Variants in DDX60 observed in about 807,000 individuals in gnomAD.
DDX60 encodes the protein DExD/H-box helicase 60.
A neutral mutation model predicts 212.8 loss-of-function variants in DDX60; 165 were observed. That is an observed-to-expected ratio of 0.78 (90% CI 0.68 to 0.88). The LOEUF (loss-of-function observed/expected upper bound fraction) is 0.88, where lower values mean the gene tolerates loss of function less well. Among genes scored for constraint, DDX60 ranks in the 40% least tolerant of loss-of-function variants. The pLI is 0.00. For synonymous variants in DDX60, 703 were observed against 685.3 expected (o/e 1.03, Z -0.40); for missense variants, 1,905 against 2,003.9 (o/e 0.95, Z 0.94).
chr4:168,242,875 T>A (rs193101387), intron 30 of DDX60, among the ~76,000 whole-genome samples: 3 of 152,194 alleles, frequency 2.0e-5, no homozygotes, highest in South Asian at 4.2e-4. Flanking sequence ...CCCACCCAAA[T>A]CCCATCTTGA....
At chr4:168,285,521 T>G in intron 10 of DDX60, 23 bp from the exon 11 acceptor site, 1 of 1,452,842 alleles carries the variant, frequency 6.9e-7, no homozygotes, top group Non-Finnish European at 9.5e-7. Flanking sequence ...AAAAAAAAAT[T>G]GAGACAAGGT....
intron 22 of DDX60, among the ~76,000 whole-genome samples, chr4:168,263,181 C>T (rs1193454968): frequency 6.6e-6 from 1 of 152,048 alleles, no homozygotes; most frequent in East Asian, 1.9e-4. Context: ...TTATGTGTAC[C>T]AAGCCAGGCT....
intron 1 of DDX60, among the ~76,000 whole-genome samples, chr4:168,316,353 C>A (rs1349936930): frequency 6.6e-6 from 1 of 152,108 alleles, no homozygotes; most frequent in African/African-American, 2.4e-5. Flanking sequence ...TCACAAGAAT[C>A]AAAGTCACAA....
chr4:168,235,909 A>G (rs1733614837), intron 33 of DDX60: 1 of 201,844 alleles, frequency 5.0e-6, no homozygotes. Context: ...AGGATCCTAA[A>G]AGAACAGTAT....
intron 22 of DDX60, chr4:168,263,378 A>C (rs1257927590): frequency 6.6e-6 from 1 of 152,202 alleles, no homozygotes; most frequent in African/African-American, 2.4e-5. Context: ...GTGGAAATAA[A>C]AAATTCCTGT....
intron 6 of DDX60, among the ~76,000 whole-genome samples, chr4:168,297,845 C>T (rs989827453): frequency 2.0e-5 from 3 of 151,836 alleles, no homozygotes; most frequent in Non-Finnish European, 2.9e-5. Context: ...TTGCTGTGAT[C>T]GTGTCACTGC....
intron 30 of DDX60, among the ~76,000 whole-genome samples, chr4:168,244,661 G>T (rs1409987709): frequency 6.6e-6 from 1 of 152,102 alleles, no homozygotes; most frequent in African/African-American, 2.4e-5. Context: ...GGAGGCGGAG[G>T]TTGCAGTGAG....
At chr4:168,319,711 C>T (rs569397485), upstream of DDX60, among the ~76,000 whole-genome samples, 1 of 152,178 alleles carries the variant, frequency 6.6e-6, no homozygotes, top group South Asian at 2.1e-4. Context: ...TATAAATATG[C>T]ATTCATATAT....
intron 7 of DDX60, 145 bp from the exon 8 acceptor site, chr4:168,292,051 T>C: frequency 2.8e-6 from 1 of 358,184 alleles, no homozygotes; most frequent in South Asian, 6.9e-5. Flanking sequence ...CTTTCTTTCT[T>C]TTTTTTTTTT....
chr4:168,301,771 T>A (rs548027004), intron 6 of DDX60, among the ~76,000 whole-genome samples: 21 of 152,310 alleles, frequency 1.4e-4, no homozygotes, highest in African/African-American at 4.6e-4. Context: ...TCACAAAGCA[T>A]GTCCTTCAAG....
At chr4:168,221,454 A>G (rs1560807620) in intron 36 of DDX60, among the ~76,000 whole-genome samples, 1 of 152,166 alleles carries the variant, frequency 6.6e-6, no homozygotes, top group Non-Finnish European at 1.5e-5. Flanking sequence ...TATATCTATG[A>G]GCATGTGCAA....
Position 168,247,663 on chromosome 4 carries a change from C to T in DDX60, c.3963+525G>A, listed in dbSNP as rs1272502530. 2.6e-5 allele frequency among the ~76,000 whole-genome samples: 4 copies of T among 152,090 alleles called. No individual in the cohort carries two copies. In the East Asian group the frequency reaches 7.7e-4, roughly 29 times the overall value. ...AATCAGGGGAATTGTACTAATAATA[C>T]AAGGCTAAGAACGTACGATGAAAGA... On this transcript the variant is annotated intron_variant, in intron 29 of 37. Transcript: ENST00000393743.
At chr4:168,236,662 A>G (rs1733640204) in intron 32 of DDX60, among the ~76,000 whole-genome samples, 1 of 151,864 alleles carries the variant, frequency 6.6e-6, no homozygotes. Context: ...AAGAACTACC[A>G]TATAGATTTA....
chr4:168,264,349 T>C (rs1310803801), intron 22 of DDX60, among the ~76,000 whole-genome samples: 1 of 152,194 alleles, frequency 6.6e-6, no homozygotes, highest in African/African-American at 2.4e-5. Context: ...TACTGAAAGA[T>C]AGCTAAATGC....
At chr4:168,257,391 C>T (rs1221942095) in intron 25 of DDX60, among the ~76,000 whole-genome samples, 1 of 152,130 alleles carries the variant, frequency 6.6e-6, no homozygotes, top group Non-Finnish European at 1.5e-5. Context: ...GTACTCACAA[C>T]AATCCTATGA....
intron 24 of DDX60, 73 bp downstream of exon 24, chr4:168,261,927 T>C (rs1734638727): frequency 6.8e-7 from 1 of 1,472,282 alleles, no homozygotes; most frequent in East Asian, 2.6e-5. Context: ...AATCAGAAAA[T>C]GGTATTAACT....
chr4:168,275,594 G>T, intron 15 of DDX60, 91 bp from the exon 16 acceptor site: 1 of 1,121,440 alleles, frequency 8.9e-7, no homozygotes. Flanking sequence ...CACTTTCTAT[G>T]TGAAAAGCAT....
chr4:168,268,913 C>A lies in DDX60; in HGVS notation c.2727G>T (p.Met909Ile), dbSNP rs1412837630. 1.3e-6 allele frequency: 2 copies of A among 1,596,838 alleles called. No individual in the cohort carries two copies. Among genetic ancestry groups the A allele is most frequent in the East Asian group, 2.2e-5 (1 of 44,648 alleles). Residue 909 changes from methionine to isoleucine, a missense_variant, in exon 20 of 38, where the codon ATG becomes ATT. By Grantham distance (10) the Met-to-Ile change is conservative. Transcript: ENST00000393743. ...GAEIWEHLLV[M>I]IRCPFLALSA... ...AAAGAGCCAAAAAGGGACATCGGAT[C>A]ATGACAAGGAGATGTTCCCAGATTT...
At chr4:168,265,492 C>T (rs1344126662) in intron 22 of DDX60, 1 of 152,174 alleles carries the variant, frequency 6.6e-6, no homozygotes, top group Non-Finnish European at 1.5e-5. Flanking sequence ...TTCTGCATTC[C>T]TGCCACAAAA....
Sources: allele counts gnomAD v4.1 joint callset (sites outside exome capture counted in the v4.1 genomes callset), GRCh38; gene constraint gnomAD v4.1.1; transcripts MANE v1.5; gene names NCBI Gene and HGNC (gene_info 2026-07-23, HGNC 2026-07-21).